Variants in NPHP4 observed in about 807,000 individuals in gnomAD.
NPHP4 encodes the protein nephrocystin 4, also known as nephrocystin-4.
Under a neutral mutation model 155.8 loss-of-function variants are expected in NPHP4, and 151 were observed. The ratio of observed to expected loss-of-function variants is 0.97; its 90% CI spans 0.85 to 1.11. The LOEUF (loss-of-function observed/expected upper bound fraction) is 1.11. Among genes scored for constraint, NPHP4 ranks in the 50% least tolerant of loss-of-function variants. The probability of loss-of-function intolerance (pLI) is 0.00; values close to 1 mark genes in which losing one functional copy is unlikely to be tolerated. For missense variants in NPHP4, 1,956 were observed against 1,925.7 expected (o/e 1.02, Z -0.29); for synonymous variants, 845 against 816.8 (o/e 1.03, Z -0.59).
chr1:5,925,102 C>A (rs1193146802), intron 11 of NPHP4, among the ~76,000 whole-genome samples: 12 of 152,224 alleles, frequency 7.9e-5, no homozygotes, highest in Admixed American at 7.9e-4. Flanking sequence ...TACTGTACTT[C>A]TAAGTAACTT....
Position 5,978,367 on chromosome 1 carries a change from GAC to G in NPHP4, c.180_181del (p.Ser61PhefsTer3). ...GTGCCGGTAGGTGACATCAAAGAAA[GAC>G]ACTCGCAGATGGCATTCAACCTCTG... On this transcript the variant is annotated frameshift_variant, in exon 3 of 30. Coordinates refer to ENST00000378156, the MANE Select transcript of NPHP4 (RefSeq NM_015102.5). LOFTEE classifies it high-confidence loss of function. 1 of 1,608,424 alleles carries G rather than the reference GAC, an allele frequency of 6.2e-7. No homozygotes were observed. The highest frequency in any genetic ancestry group is 8.5e-7 in the Non-Finnish European group (1 of 1,177,546).
At chr1:5,962,539 G>GC (rs1177583297) in intron 5 of NPHP4, among the ~76,000 whole-genome samples, 2 of 152,196 alleles carry the variant, frequency 1.3e-5, no homozygotes, top group African/African-American at 4.8e-5. Context: ...TATCCACCAA[G>GC]CCCCAAACGG....
chr1:5,912,334 C>T (rs963216151), intron 11 of NPHP4, among the ~76,000 whole-genome samples: 1 of 152,040 alleles, frequency 6.6e-6, no homozygotes, highest in African/African-American at 2.4e-5. Flanking sequence ...GTCAGGAGAT[C>T]GAGACCATCC....
chr1:5,878,260 C>A (rs115132662), intron 19 of NPHP4, among the ~76,000 whole-genome samples: 2,818 of 152,360 alleles, frequency 0.018, 83 homozygotes, highest in African/African-American at 0.063. Flanking sequence ...GTGACCCCCG[C>A]CTCCTTCTCA....
intron 1 of NPHP4, among the ~76,000 whole-genome samples, chr1:5,989,465 C>T (rs1557901932): frequency 1.3e-5 from 2 of 152,208 alleles, no homozygotes; most frequent in Non-Finnish European, 2.9e-5. Flanking sequence ...CCCTTGGTCA[C>T]ATCATTCGTC....
rs756111113 is a variant in NPHP4, at chr1:5,866,372, C to T, written c.3644+1G>A. The T allele has an allele frequency of 1.0e-5, 16 of 1,596,390 alleles. No homozygotes were observed. The African/African-American group carries it at 1.5e-4, about 15-fold the overall frequency. ...CAGGTCCCCAAAGCCTGTGCACTTA[C>T]GAGTAAATGATGACAAAGAAGTCTT... On this transcript the variant is annotated splice_donor_variant, in intron 26 of 29. Coordinates refer to ENST00000378156, the MANE Select transcript of NPHP4 (RefSeq NM_015102.5). LOFTEE classifies it high-confidence loss of function.
intron 7 of NPHP4, among the ~76,000 whole-genome samples, chr1:5,948,767 G>C (rs1647326629): frequency 6.6e-6 from 1 of 152,056 alleles, no homozygotes; most frequent in South Asian, 2.1e-4. Context: ...CCTGAGACTG[G>C]GTGTACAAAG....
At chr1:5,938,246 C>T (rs116835114) in intron 9 of NPHP4, among the ~76,000 whole-genome samples, 307 of 152,356 alleles carry the variant, frequency 2.0e-3, no homozygotes, top group African/African-American at 7.0e-3. Flanking sequence ...CCCTGAAGGA[C>T]ACGGAGCTCT....
chr1:5,988,083 C>A (rs1655742950), intron 1 of NPHP4, among the ~76,000 whole-genome samples: 1 of 152,216 alleles, frequency 6.6e-6, no homozygotes, highest in Admixed American at 6.5e-5. Flanking sequence ...ATTTTCTGAA[C>A]AATGCGTAAT....
At chr1:5,927,330 G>C (rs533915541) in intron 11 of NPHP4, among the ~76,000 whole-genome samples, 1 of 152,062 alleles carries the variant, frequency 6.6e-6, no homozygotes, top group Non-Finnish European at 1.5e-5. Context: ...CTCGGCTCTC[G>C]ACCACCCTCT....
intron 20 of NPHP4, 147 bp downstream of exon 20, chr1:5,876,946 G>T: frequency 2.0e-6 from 1 of 507,666 alleles, no homozygotes; most frequent in Non-Finnish European, 3.2e-6. Flanking sequence ...TCCCCCGGTG[G>T]CTGAAAAAGT....
intron 16 of NPHP4, among the ~76,000 whole-genome samples, chr1:5,894,864 C>CCTTGT (rs1644314590): frequency 6.6e-6 from 1 of 152,194 alleles, no homozygotes; most frequent in Admixed American, 6.5e-5. Context: ...GGAAAGGCAG[C>CCTTGT]CTTGTCTTGG....
At chr1:5,878,089 G>A (rs1409701273) in intron 19 of NPHP4, among the ~76,000 whole-genome samples, 5 of 152,162 alleles carry the variant, frequency 3.3e-5, no homozygotes, top group East Asian at 3.9e-4. Flanking sequence ...GCTGAGAGGC[G>A]CCCCAGCTTA....
intron 2 of NPHP4, among the ~76,000 whole-genome samples, chr1:5,982,244 G>A (rs1654828835): frequency 1.3e-5 from 2 of 151,986 alleles, no homozygotes; most frequent in African/African-American, 4.8e-5. Context: ...ATTTCGATCA[G>A]CAACAGACTG....
intron 18 of NPHP4, among the ~76,000 whole-genome samples, chr1:5,886,331 A>G (rs1489337348): frequency 1.3e-5 from 2 of 152,232 alleles, no homozygotes; most frequent in African/African-American, 2.4e-5. Flanking sequence ...CGAGCTGTGC[A>G]CTTGAGCCCC....
In NPHP4 at chr1:5,907,224, T is replaced by G. The variant is rs755481896; in HGVS notation, c.1504-2A>C. 6.4e-7 allele frequency: 1 copy of G among 1,568,096 alleles called. No homozygotes were observed. Among genetic ancestry groups the G allele is most frequent in the African/African-American group, 1.4e-5 (1 of 73,880 alleles). On this transcript the variant is annotated splice_acceptor_variant, in intron 12 of 29. Coordinates refer to ENST00000378156, the MANE Select transcript of NPHP4 (RefSeq NM_015102.5). LOFTEE classifies it high-confidence loss of function. Reference sequence around the variant, plus strand: ...GGCCGCCAGCTGGGAAATTGACAACTGGAAGGAAAGAGAGCACAGGTGAGG... The same window carrying G: ...GGCCGCCAGCTGGGAAATTGACAACGGGAAGGAAAGAGAGCACAGGTGAGG...
Position 5,958,692 on chromosome 1 carries a change from C to CA in NPHP4, c.673+3101dup, listed in dbSNP as rs35749567. Among the ~76,000 whole-genome samples, 253 of 124,966 alleles carry CA rather than the reference C, an allele frequency of 2.0e-3. 1 individual carries two copies. Among genetic ancestry groups the CA allele is most frequent in the East Asian group, 0.016 (70 of 4,312 alleles). The allele number at this position is 124,966 out of a possible 152,430, so 82.0% of individuals were successfully genotyped here. On this transcript the variant is annotated intron_variant, in intron 6 of 29. Transcript: ENST00000378156. ...CCTGGGCGACAGAGCAAGACTGTCTCAAAAAAAAAAAAAAAAATTAGCCAG... is the reference window on the plus strand; with the variant it reads ...CCTGGGCGACAGAGCAAGACTGTCTCAAAAAAAAAAAAAAAAAATTAGCCAG...
chr1:5,962,432 G>T (rs551731768), intron 5 of NPHP4, among the ~76,000 whole-genome samples: 1 of 152,244 alleles, frequency 6.6e-6, no homozygotes, highest in South Asian at 2.1e-4. Context: ...CACAGACTGT[G>T]CAGTTTCCCC....
intron 9 of NPHP4, among the ~76,000 whole-genome samples, chr1:5,942,493 T>C (rs1397365159): frequency 1.6e-5 from 2 of 124,400 alleles, no homozygotes; most frequent in Non-Finnish European, 3.1e-5. Flanking sequence ...GTCGCGCCAC[T>C]GCACTCCAGC....
Sources: allele counts gnomAD v4.1 joint callset (sites outside exome capture counted in the v4.1 genomes callset), GRCh38; gene constraint gnomAD v4.1.1; transcripts MANE v1.5; gene names NCBI Gene and HGNC (gene_info 2026-07-23, HGNC 2026-07-21).